Variants in DIDO1 observed in about 807,000 individuals in gnomAD.
DIDO1 encodes death-inducer obliterator 1.
A neutral mutation model predicts 99.4 loss-of-function variants in DIDO1; 16 were observed. That is an observed-to-expected ratio of 0.16 (90% CI 0.11 to 0.24). The LOEUF (loss-of-function observed/expected upper bound fraction) is 0.24. Ranked by LOEUF, DIDO1 falls within the 10% of genes least tolerant of loss-of-function variation. DIDO1 has a pLI of 1.00. For synonymous variants in DIDO1, 1,366 were observed against 1,239.1 expected (o/e 1.10, Z -2.15); for missense variants, 2,996 against 3,014.0 (o/e 0.99, Z 0.14).
chr20:62,934,535 C>G lies in DIDO1; in HGVS notation c.-200+3261G>C, dbSNP rs117947213. ...AAGCTGAGAAATTATCCTTGACCCCCCTCCCTGCTCCTCAGTCTCACCTGC... is the reference window on the plus strand; with the variant it reads ...AAGCTGAGAAATTATCCTTGACCCCGCTCCCTGCTCCTCAGTCTCACCTGC... On this transcript the variant is annotated intron_variant, in intron 1 of 15. Coordinates refer to the DIDO1 transcript ENST00000266070. 8.4e-3 allele frequency among the ~76,000 whole-genome samples: 1,276 copies of G among 152,294 alleles called. 12 individuals carry two copies. The highest frequency in any genetic ancestry group is 0.017 in the South Asian group (80 of 4,822).
At position 62,880,313 on chromosome 20, in the gene DIDO1, G is replaced by T; in HGVS notation, c.5643C>A (p.Ser1881Arg). Reference sequence around the variant, plus strand: ...CGAACTGGAAAGGCGCGCCGCCTCTGCTTCCCAGAAATGGGGCTTGCTCTG... The same window carrying T: ...CGAACTGGAAAGGCGCGCCGCCTCTTCTTCCCAGAAATGGGGCTTGCTCTG... Reference protein sequence around the residue: ...EGTEQAPFLGSRGGAPFQFGG... With the variant: ...EGTEQAPFLGRRGGAPFQFGG... Residue 1881 changes from serine to arginine, a missense_variant, in exon 16 of 16, where the codon AGC (serine) becomes AGA (arginine). Physicochemically the swap from Ser to Arg is moderately radical, Grantham distance 110 (BLOSUM62 -1). This residue lies in a region of DIDO1 where 1,562 missense variants were observed against 1,412.6 expected (regional missense o/e 1.11). Coordinates refer to ENST00000395343, the MANE Select transcript of DIDO1 (RefSeq NM_001193369.2). The T allele has an allele frequency of 6.2e-7, 1 of 1,612,838 alleles. No individual in the cohort carries two copies. Among genetic ancestry groups the T allele is most frequent in the East Asian group, 2.2e-5 (1 of 44,866 alleles).
chr20:62,935,051 G>A (rs2065367973), intron 1 of DIDO1, among the ~76,000 whole-genome samples: 1 of 152,148 alleles, frequency 6.6e-6, no homozygotes, highest in Admixed American at 6.5e-5. Flanking sequence ...GTGTCCCACA[G>A]GCACCTCCAA....
chr20:62,888,489 G>C, intron 15 of DIDO1: 1 of 985,558 alleles, frequency 1.0e-6, no homozygotes, highest in Non-Finnish European at 1.2e-6. Context: ...ACTTCTGGGG[G>C]CGTGACTCCA....
chr20:62,917,691 G>C (rs1310133842), intron 1 of DIDO1, among the ~76,000 whole-genome samples: 2 of 152,174 alleles, frequency 1.3e-5, no homozygotes, highest in African/African-American at 4.8e-5. Flanking sequence ...TAAAAAAGAT[G>C]TATGTTTGCG....
At position 62,879,243 on chromosome 20, in the gene DIDO1, G is replaced by T. The variant is rs868365992; in HGVS notation, c.6713C>A (p.Ser2238Ter). ...GCCCGGCCGGGGCGTCTAGGCCTGC[G>T]AGGCGGTGCCAGCGTCGGAGGCCCT... ...ASRASDAGTA[S>*]QA Residue 2238 changes from serine (S) to a stop codon, truncating the protein, a stop_gained, in exon 16 of 16, where the codon TCG (serine) becomes TAG (stop). Coordinates refer to ENST00000395343, the MANE Select transcript of DIDO1 (RefSeq NM_001193369.2). LOFTEE classifies it high-confidence loss of function. This position sits in a 1 kb window ranked among gnomAD's most constrained non-coding sequence, Gnocchi z 6.3. 6.5e-7 allele frequency: 1 copy of T among 1,529,146 alleles called. No individual in the cohort carries two copies. Among genetic ancestry groups the T allele is most frequent in the East Asian group, 2.4e-5 (1 of 42,538 alleles). 94.7% of individuals were successfully genotyped at this position (1,529,146 alleles called of 1,614,324 possible). A position where few individuals can be genotyped will look rare whatever the true frequency, so the allele number is the denominator to read the frequency against.
chr20:62,893,964 C>T lies in DIDO1; in HGVS notation c.2803G>A (p.Asp935Asn). ...DRTYFPGPPG[D>N]GHPEPSPLED... is the part of the protein sequence containing the mutation. Reference sequence around the variant, plus strand: ...AGCGGGGAGGGCTCGGGATGGCCATCTCCTGGAGGCCCAGGGAAATACGTT... The same window carrying T: ...AGCGGGGAGGGCTCGGGATGGCCATTTCCTGGAGGCCCAGGGAAATACGTT... The change falls in exon 12 of 16, where the codon GAT (aspartate) becomes AAT (asparagine). Residue 935 changes from aspartate (D) to asparagine (N), a missense_variant. Around this residue, in one of 5 missense-constraint regions of DIDO1, gnomAD observed 898 missense variants for 972.7 expected, o/e 0.92. Coordinates refer to ENST00000395343, the MANE Select transcript of DIDO1 (RefSeq NM_001193369.2). The T allele has an allele frequency of 6.2e-7, 1 of 1,612,854 alleles. No homozygotes were observed. Among genetic ancestry groups the T allele is most frequent in the Non-Finnish European group, 8.5e-7 (1 of 1,178,970 alleles).
At position 62,911,593 on chromosome 20, in the gene DIDO1, G is replaced by C; in HGVS notation, c.20C>G (p.Pro7Arg). 1 of 1,586,812 alleles carries C rather than the reference G, an allele frequency of 6.3e-7. No homozygotes were observed. Among genetic ancestry groups the C allele is most frequent in the Non-Finnish European group, 8.6e-7 (1 of 1,164,376 alleles). MDDKGD[P>R]SNEEAPKAIK... ...GGCCTTAGGTGCCTCCTCATTGCTC[G>C]GGTCGCCTTTGTCGTCCATACCTAG... The change falls in exon 3 of 16, where the codon CCG becomes CGG. Residue 7 changes from proline to arginine, a missense_variant. By Grantham distance (103) the Pro-to-Arg change is moderately radical. Transcript: ENST00000395343. The surrounding 1 kb of genome is among the most constrained non-coding windows in gnomAD (Gnocchi z 7.0).
intron 2 of DIDO1, among the ~76,000 whole-genome samples, chr20:62,913,997 G>C (rs934386135): frequency 6.6e-5 from 10 of 152,024 alleles, no homozygotes; most frequent in African/African-American, 2.4e-4. Flanking sequence ...TTTATTGTTT[G>C]TCCCCCAAAT....
At chr20:62,928,683 T>C (rs566042378), upstream of DIDO1, 1 of 152,238 alleles carries the variant, frequency 6.6e-6, no homozygotes, top group African/African-American at 2.4e-5. Context: ...AACTCTTCAG[T>C]TGTTTCAATA....
At position 62,933,836 on chromosome 20, in the gene DIDO1, G is replaced by A. The variant is rs371865374; in HGVS notation, c.-200+3960C>T. Among the ~76,000 whole-genome samples the A allele has an allele frequency of 2.0e-4, 31 of 152,314 alleles. 1 individual carries two copies. Among genetic ancestry groups the A allele is most frequent in the African/African-American group, 7.5e-4 (31 of 41,572 alleles). On this transcript the variant is annotated intron_variant, in intron 1 of 15. Transcript: ENST00000266070. ...GCCATTATCACACCATTGCACTCCAGCCTGGGCAAACTGCTCTCCCCTTTT... is the reference window on the plus strand; with the variant it reads ...GCCATTATCACACCATTGCACTCCAACCTGGGCAAACTGCTCTCCCCTTTT...
Position 62,894,813 on chromosome 20 carries a change from T to G in DIDO1, c.2433A>C (p.Ser811=), listed in dbSNP as rs765354475. ...ACAAAATCTCCCAAATGCTTACCTC[T>G]GAATCCGACACTGGCGGAGAGTCCT... ...DLEDSPPVSD[S]EEQQESARAV... The change falls in exon 10 of 16, where the codon TCA becomes TCC. Residue 811 remains serine, a synonymous_variant. Transcript: ENST00000395343. The surrounding 1 kb of genome is among the most constrained non-coding windows in gnomAD (Gnocchi z 4.4). 4 of 1,611,722 alleles carry G rather than the reference T, an allele frequency of 2.5e-6. 1 individual carries two copies. The South Asian group carries it at 3.3e-5, about 13-fold the overall frequency.
intron 1 of DIDO1, among the ~76,000 whole-genome samples, chr20:62,923,713 C>G (rs868183100): frequency 1.3e-5 from 2 of 152,168 alleles, no homozygotes; most frequent in African/African-American, 4.8e-5. Flanking sequence ...CTTTTGTAAT[C>G]AAACACATTA....
At position 62,892,993 on chromosome 20, in the gene DIDO1, A is replaced by G. The variant is rs117002992; in HGVS notation, c.3102-31T>C. On this transcript the variant is annotated intron_variant, in intron 12 of 15. Coordinates refer to ENST00000395343, the MANE Select transcript of DIDO1 (RefSeq NM_001193369.2). The stretch of plus-strand genomic sequence containing the variant: ...AAACAAAACCATAAAAAAAAAGTCA[A>G]TGTCTCTCTGTGCAATGAGAATTTC... 1.7e-3 allele frequency: 2,666 copies of G among 1,588,498 alleles called. 5 individuals carry two copies. Among genetic ancestry groups the G allele is most frequent in the Non-Finnish European group, 2.2e-3 (2,525 of 1,165,872 alleles).
chr20:62,905,056 A>T, intron 6 of DIDO1: 1 of 990,606 alleles, frequency 1.0e-6, no homozygotes, highest in Non-Finnish European at 1.2e-6. Context: ...GAAAACATTA[A>T]AATTGCACCA....
chr20:62,879,857 G>T lies in DIDO1; in HGVS notation c.6099C>A (p.Pro2033=), dbSNP rs1419048369. The T allele has an allele frequency of 1.9e-6, 3 of 1,596,882 alleles. No individual in the cohort carries two copies. Among genetic ancestry groups the T allele is most frequent in the East Asian group, 2.2e-5 (1 of 44,742 alleles). ...CCCAGCGGTCCTTCCGGTGCTGCGG[G>T]GGGTGGCTGGGAAGCTCCAGCAGGG... ...PRPLLELPSH[P]PQHRKDRWEE... Residue 2033 remains proline (P), a synonymous_variant, in exon 16 of 16, where the codon CCC becomes CCA. Coordinates refer to ENST00000395343, the MANE Select transcript of DIDO1 (RefSeq NM_001193369.2). The surrounding 1 kb of genome is among the most constrained non-coding windows in gnomAD (Gnocchi z 6.3).
At chr20:62,889,080 T>C in intron 15 of DIDO1, 1 of 985,432 alleles carries the variant, frequency 1.0e-6, no homozygotes, top group African/African-American at 1.7e-5. Context: ...GGTGGGCGAG[T>C]GTGACGTTCC....
intron 15 of DIDO1, among the ~76,000 whole-genome samples, chr20:62,884,472 AAAGGTGCTCACACTACAG>A (rs2147361161): frequency 6.6e-6 from 1 of 152,360 alleles, no homozygotes; most frequent in South Asian, 2.1e-4. Flanking sequence ...GTGGTATACA[AAAGGTGCTCACACTACAG>A]ATTTTCTTCC....
Position 62,880,079 on chromosome 20 carries a change from G to C in DIDO1, c.5877C>G (p.Pro1959=), listed in dbSNP as rs1453113884. The C allele has an allele frequency of 6.2e-7, 1 of 1,612,070 alleles. No homozygotes were observed. Among genetic ancestry groups the C allele is most frequent in the Non-Finnish European group, 8.5e-7 (1 of 1,179,992 alleles). Residue 1959 remains proline (P), a synonymous_variant, in exon 16 of 16, where the codon CCC becomes CCG. Transcript: ENST00000395343. ...RGQAPNFMPG[P]RGIQPQQFED... ...CGAACTGCTGAGGCTGAATGCCCCT[G>C]GGACCTGGCATAAAGTTAGGCGCTT...
intron 6 of DIDO1, among the ~76,000 whole-genome samples, chr20:62,898,943 G>C (rs933207699): frequency 3.3e-5 from 5 of 152,148 alleles, no homozygotes; most frequent in African/African-American, 1.2e-4. Flanking sequence ...TTAGCTCACA[G>C]GTCTGCAGCA....
Sources: gnomAD v4.1 joint callset for allele counts (sites outside exome capture counted in the v4.1 genomes callset) on GRCh38, gnomAD v4.1.1 for gene constraint, gnomAD v4.1.1 regional missense constraint, Gnocchi (gnomAD v3.1) non-coding constraint, MANE v1.5 for transcripts, NCBI Gene and HGNC (gene_info 2026-07-23, HGNC 2026-07-21) for gene names.